The following STK24 variants were observed in gnomAD, a reference collection of about 807,000 sequenced individuals.
The protein encoded by STK24 is serine/threonine kinase 24.
Under a neutral mutation model 55.6 loss-of-function variants are expected in STK24, and 21 were observed. The observed-to-expected ratio is 0.38, with a 90% CI of 0.27 to 0.54. The LOEUF (loss-of-function observed/expected upper bound fraction) is 0.54. STK24 is among the 20% of genes least tolerant of loss of function. The pLI is 0.79. For missense variants in STK24, 383 were observed against 538.4 expected, an observed-to-expected ratio of 0.71 and a Z score of 2.86; for synonymous variants, 200 against 215.2, an observed-to-expected ratio of 0.93 and a Z score of 0.62.
chr13:98,540,924 G>C (rs1420589952), intron 1 of STK24, among the ~76,000 whole-genome samples: 4 of 151,932 alleles, frequency 2.6e-5, no homozygotes, highest in Non-Finnish European at 4.4e-5. Flanking sequence ...GTTTTACTAG[G>C]AGTCTGAAGA....
At chr13:98,540,104 C>T (rs946276789) in intron 1 of STK24, among the ~76,000 whole-genome samples, 8 of 152,276 alleles carry the variant, frequency 5.3e-5, no homozygotes, top group African/African-American at 1.9e-4. Flanking sequence ...GCAAAAGCAG[C>T]CAGTCACAAA....
chr13:98,549,532 T>TA (rs760187547), intron 1 of STK24, among the ~76,000 whole-genome samples: 3 of 152,146 alleles, frequency 2.0e-5, no homozygotes, highest in Non-Finnish European at 2.9e-5. Context: ...GTCCTCATAA[T>TA]AGTGAGTTCC....
At position 98,448,418 on chromosome 13, in the gene STK24, C is replaced by A; in HGVS notation, c.*4755G>T. On this transcript the variant is annotated 3_prime_UTR_variant, in exon 11 of 11. Coordinates refer to ENST00000539966, the MANE Select transcript of STK24 (RefSeq NM_001032296.4). The stretch of plus-strand genomic sequence containing the variant: ...GTAAAATTAACACCTGTCTGAAAAT[C>A]AAAAACATGGCTTCCCAGCAGCTCT... 3 of 972,000 alleles carry A rather than the reference C, an allele frequency of 3.1e-6. No individual in the cohort carries two copies. The highest frequency in any genetic ancestry group is 3.3e-6 in the Non-Finnish European group (2 of 610,806). The allele number at this position is 972,000 out of a possible 1,614,324, so 60.2% of individuals were successfully genotyped here.
intron 1 of STK24, 35 bp downstream of exon 1, chr13:98,576,710 C>A: frequency 6.9e-7 from 1 of 1,453,938 alleles, no homozygotes; most frequent in South Asian, 1.3e-5. Context: ...CCGCCCCGGT[C>A]GCGCATCCCG....
chr13:98,452,525 T>C lies in STK24; in HGVS notation c.*648A>G, dbSNP rs1163029038. ...GTGTTCTGTAAGAGAGGGGCATTAA[T>C]TATTAATGACAAACCCTGCAAATAC... On this transcript the variant is annotated 3_prime_UTR_variant, in exon 11 of 11. Transcript: ENST00000539966. The C allele has an allele frequency of 6.6e-6, 1 of 152,618 alleles. No homozygotes were observed. The highest frequency in any genetic ancestry group is 1.5e-5 in the Non-Finnish European group (1 of 68,056). The allele number at this position is 152,618 out of a possible 1,614,324, so 9.5% of individuals were successfully genotyped here.
rs777034607 is a variant in STK24, at chr13:98,446,257, T to C, written c.*6916A>G. 1 of 1,242,024 alleles carries C rather than the reference T, an allele frequency of 8.1e-7. No individual in the cohort carries two copies. Among genetic ancestry groups the C allele is most frequent in the Admixed American group, 1.7e-5 (1 of 57,458 alleles). The allele number at this position is 1,242,024 out of a possible 1,614,324, so 76.9% of individuals were successfully genotyped here. On this transcript the variant is annotated 3_prime_UTR_variant, in exon 11 of 11. Transcript: ENST00000539966. Reference sequence around the variant, plus strand: ...CCCTGGGACCTTGGGGGTGGCAGCATGAGGTGAGGGGGCCGCCCTCCTCTG... The same window carrying C: ...CCCTGGGACCTTGGGGGTGGCAGCACGAGGTGAGGGGGCCGCCCTCCTCTG...
At chr13:98,503,163 T>TA (rs1355030936) in intron 2 of STK24, among the ~76,000 whole-genome samples, 16 of 151,284 alleles carry the variant, frequency 1.1e-4, no homozygotes, top group South Asian at 2.1e-4. Flanking sequence ...GAGTGTTTTT[T>TA]AAAAAAAACA....
At chr13:98,496,887 C>T (rs1487325436) in intron 2 of STK24, among the ~76,000 whole-genome samples, 2 of 152,154 alleles carry the variant, frequency 1.3e-5, no homozygotes, top group African/African-American at 4.8e-5. Context: ...AGCCAAAAAC[C>T]TAAGAAAACA....
At chr13:98,511,809 T>C (rs1895886448) in intron 2 of STK24, among the ~76,000 whole-genome samples, 1 of 152,018 alleles carries the variant, frequency 6.6e-6, no homozygotes, top group Non-Finnish European at 1.5e-5. Context: ...AACGTTGGCA[T>C]TGTTCTGGTC....
At chr13:98,552,441 C>A (rs570624974) in intron 1 of STK24, among the ~76,000 whole-genome samples, 105 of 152,210 alleles carry the variant, frequency 6.9e-4, no homozygotes, top group African/African-American at 2.5e-3. Flanking sequence ...GCTAAGCCGG[C>A]GGAGGTCTTC....
chr13:98,576,620 C>A (rs1284674790), intron 1 of STK24, 125 bp downstream of exon 1: 11 of 726,750 alleles, frequency 1.5e-5, no homozygotes, highest in African/African-American at 5.9e-5. Flanking sequence ...GAGCCGGGCG[C>A]GCGGGGAGCC....
rs1896179546 is a variant in STK24 at position 98,519,372 on chromosome 13, T to C, written c.144A>G (p.Lys48=). The C allele has an allele frequency of 2.5e-6, 4 of 1,614,158 alleles. No individual in the cohort carries two copies. The highest frequency in any genetic ancestry group is 1.7e-5 in the Admixed American group (1 of 60,016). ...VFKGIDNRTQ[K]VVAIKIIDLE... ...GATCAATGATCTTTATGGCAACCACTTTCTGAGTCCGATTGTCAATGCCTT... is the reference window on the plus strand; with the variant it reads ...GATCAATGATCTTTATGGCAACCACCTTCTGAGTCCGATTGTCAATGCCTT... Residue 48 remains lysine (K), a synonymous_variant, in exon 2 of 11, where the codon AAA becomes AAG. Coordinates refer to ENST00000539966, the MANE Select transcript of STK24 (RefSeq NM_001032296.4).
At chr13:98,532,831 G>A (rs1896617370) in intron 1 of STK24, among the ~76,000 whole-genome samples, 1 of 152,282 alleles carries the variant, frequency 6.6e-6, no homozygotes, top group Non-Finnish European at 1.5e-5. Context: ...CTGTGTCCAT[G>A]AACAGATAAT....
intron 1 of STK24, among the ~76,000 whole-genome samples, chr13:98,542,634 A>T (rs1896920568): frequency 6.6e-6 from 1 of 152,226 alleles, no homozygotes; most frequent in African/African-American, 2.4e-5. Flanking sequence ...AAAGAAACAC[A>T]CATTAAAAAT....
intron 2 of STK24, among the ~76,000 whole-genome samples, chr13:98,507,629 C>G (rs1421062127): frequency 6.6e-6 from 1 of 152,170 alleles, no homozygotes; most frequent in African/African-American, 2.4e-5. Context: ...CAATTACAGA[C>G]TGCAAATAAC....
chr13:98,484,084 C>G (rs2139307654), intron 2 of STK24, among the ~76,000 whole-genome samples: 1 of 152,350 alleles, frequency 6.6e-6, no homozygotes, highest in East Asian at 1.9e-4. Flanking sequence ...ACCATCCAGT[C>G]ACGGGCACCT....
chr13:98,562,471 G>C (rs1897449270), intron 1 of STK24, among the ~76,000 whole-genome samples: 1 of 152,164 alleles, frequency 6.6e-6, no homozygotes, highest in Non-Finnish European at 1.5e-5. Context: ...GAAAGGAACG[G>C]AATTACTACT....
chr13:98,495,079 A>G (rs984838521), intron 2 of STK24, among the ~76,000 whole-genome samples: 1 of 152,200 alleles, frequency 6.6e-6, no homozygotes, highest in African/African-American at 2.4e-5. Context: ...GTCAGCAACA[A>G]CCACGACAAC....
In STK24 at chr13:98,446,677, C is replaced by G. The variant is rs1048727877; in HGVS notation, c.*6496G>C. 9 of 1,614,122 alleles carry G rather than the reference C, an allele frequency of 5.6e-6. No individual in the cohort carries two copies. Among genetic ancestry groups the G allele is most frequent in the Admixed American group, 1.7e-5 (1 of 60,016 alleles). On this transcript the variant is annotated 3_prime_UTR_variant, in exon 11 of 11. Coordinates refer to ENST00000539966, the MANE Select transcript of STK24 (RefSeq NM_001032296.4). ...TTTCCCCTTTCCAGGACAATCATCC[C>G]CTTGCCAGCCTGCCTCTGCTCGGCT...
Sources: gnomAD v4.1 joint callset for allele counts (sites outside exome capture counted in the v4.1 genomes callset) on GRCh38, gnomAD v4.1.1 for gene constraint, MANE v1.5 for transcripts, NCBI Gene and HGNC (gene_info 2026-07-23, HGNC 2026-07-21) for gene names.